The following INPP4B variants were observed in gnomAD, a reference collection of about 807,000 sequenced individuals.
INPP4B encodes the protein inositol polyphosphate-4-phosphatase type II B, also known as inositol polyphosphate 4-phosphatase type II.
INPP4B carries 55 observed loss-of-function variants against 122.5 expected under a neutral mutation model. That is an observed-to-expected ratio of 0.45 (90% CI 0.36 to 0.56). INPP4B has a LOEUF of 0.56. Ranked by LOEUF, INPP4B falls within the 20% of genes least tolerant of loss-of-function variation. INPP4B has a pLI of 0.00. For synonymous variants in INPP4B, 403 were observed against 388.7 expected (o/e 1.04, Z -0.43); for missense variants, 1,000 against 1,097.7 (o/e 0.91, Z 1.26).
chr4:142,523,355 C>A (rs1031326058), intron 2 of INPP4B, among the ~76,000 whole-genome samples: 2 of 152,062 alleles, frequency 1.3e-5, no homozygotes, highest in East Asian at 1.9e-4. Flanking sequence ...TGCTGAGACA[C>A]AAGGTGAACA....
chr4:142,105,310 G>A (rs527565494), intron 23 of INPP4B, among the ~76,000 whole-genome samples: 1 of 152,146 alleles, frequency 6.6e-6, no homozygotes, highest in Non-Finnish European at 1.5e-5. Context: ...ATGTTGATTG[G>A]CAACTTTAAT....
At chr4:142,355,417 C>A (rs1303693297) in intron 7 of INPP4B, among the ~76,000 whole-genome samples, 2 of 151,832 alleles carry the variant, frequency 1.3e-5, no homozygotes, top group African/African-American at 4.8e-5. Flanking sequence ...TGTTACAGGT[C>A]ATTAATTTAT....
chr4:142,034,217 CA>C (rs1553953475), intron 25 of INPP4B, among the ~76,000 whole-genome samples: 1 of 152,102 alleles, frequency 6.6e-6, no homozygotes, highest in Non-Finnish European at 1.5e-5. Flanking sequence ...AGTTTACAAC[CA>C]AGTGATGTTA....
At chr4:142,153,339 T>G (rs183650369) in intron 17 of INPP4B, among the ~76,000 whole-genome samples, 4 of 152,348 alleles carry the variant, frequency 2.6e-5, no homozygotes, top group Admixed American at 6.5e-5. Flanking sequence ...CCATAGTGTT[T>G]CCTTCACTTA....
chr4:142,636,086 C>T (rs1478135561), intron 2 of INPP4B, among the ~76,000 whole-genome samples: 4 of 152,136 alleles, frequency 2.6e-5, no homozygotes, highest in Non-Finnish European at 5.9e-5. Flanking sequence ...TGAGTGATTT[C>T]GCACAAGATC....
At chr4:142,476,533 C>T (rs1320416673) in intron 2 of INPP4B, among the ~76,000 whole-genome samples, 1 of 152,138 alleles carries the variant, frequency 6.6e-6, no homozygotes, top group Non-Finnish European at 1.5e-5. Flanking sequence ...AAGTTGGATA[C>T]AGAAACAAGA....
chr4:142,203,389 A>T (rs546285348), intron 14 of INPP4B, among the ~76,000 whole-genome samples: 1 of 152,010 alleles, frequency 6.6e-6, no homozygotes, highest in African/African-American at 2.4e-5. Context: ...TTTCTATTGT[A>T]TATCTATAGC....
chr4:142,832,230 G>A (rs1247902105), intron 1 of INPP4B, among the ~76,000 whole-genome samples: 1 of 152,110 alleles, frequency 6.6e-6, no homozygotes, highest in Non-Finnish European at 1.5e-5. Flanking sequence ...TGTAAATGAA[G>A]CATATTGGGT....
intron 10 of INPP4B, among the ~76,000 whole-genome samples, 183 bp from the exon 11 acceptor site, chr4:142,260,747 T>TGTG: frequency 6.6e-6 from 1 of 152,340 alleles, no homozygotes; most frequent in Middle Eastern, 3.4e-3. Context: ...GTGATTTACT[T>TGTG]AAATGTATAC....
chr4:142,729,078 T>A (rs1264877902), intron 1 of INPP4B, among the ~76,000 whole-genome samples: 3 of 152,212 alleles, frequency 2.0e-5, no homozygotes, highest in African/African-American at 7.2e-5. Flanking sequence ...TCATCAGGTA[T>A]TAGATTCTCA....
intron 2 of INPP4B, among the ~76,000 whole-genome samples, chr4:142,593,155 T>C (rs1737904120): frequency 6.6e-6 from 1 of 151,912 alleles, no homozygotes; most frequent in South Asian, 2.1e-4. Flanking sequence ...GGGAGGATTT[T>C]AGGGAAAAAC....
chr4:142,790,400 C>A (rs1282450605), intron 1 of INPP4B, among the ~76,000 whole-genome samples: 1 of 151,950 alleles, frequency 6.6e-6, no homozygotes, highest in Non-Finnish European at 1.5e-5. Flanking sequence ...AAAAAGTGGG[C>A]TAAGGACATG....
At chr4:142,119,294 G>A (rs1795360986) in intron 21 of INPP4B, among the ~76,000 whole-genome samples, 1 of 152,140 alleles carries the variant, frequency 6.6e-6, no homozygotes, top group Non-Finnish European at 1.5e-5. Flanking sequence ...TCCCATTACT[G>A]GGTATGTACC....
chr4:142,306,621 A>G (rs1763477671), intron 8 of INPP4B, among the ~76,000 whole-genome samples: 1 of 152,226 alleles, frequency 6.6e-6, no homozygotes, highest in Admixed American at 6.5e-5. Flanking sequence ...AGGCAGAGGA[A>G]AGAAAAGCTT....
At chr4:142,675,094 A>G (rs1321532365) in intron 2 of INPP4B, among the ~76,000 whole-genome samples, 1 of 152,178 alleles carries the variant, frequency 6.6e-6, no homozygotes, top group Non-Finnish European at 1.5e-5. Context: ...GATCAACAAA[A>G]TAGATAGACC....
chr4:142,072,548 T>C (rs1347005386), intron 25 of INPP4B, among the ~76,000 whole-genome samples: 1 of 151,884 alleles, frequency 6.6e-6, no homozygotes, highest in Non-Finnish European at 1.5e-5. Flanking sequence ...GACTTTTTTT[T>C]TTTTTTTTAC....
chr4:142,233,216 G>A (rs1422555057), intron 12 of INPP4B, among the ~76,000 whole-genome samples: 1 of 140,468 alleles, frequency 7.1e-6, no homozygotes, highest in Non-Finnish European at 1.5e-5. Context: ...GTGTGTGTGT[G>A]TGAGTGAGTG....
chr4:142,670,425 G>GA (rs1242283737), intron 2 of INPP4B, among the ~76,000 whole-genome samples: 1 of 151,948 alleles, frequency 6.6e-6, no homozygotes, highest in Non-Finnish European at 1.5e-5. Flanking sequence ...AATAGGTGAA[G>GA]AAAAAATGTG....
At chr4:142,291,273 G>A (rs1435250051) in intron 9 of INPP4B, among the ~76,000 whole-genome samples, 1 of 152,180 alleles carries the variant, frequency 6.6e-6, no homozygotes, top group African/African-American at 2.4e-5. Context: ...ACTAGGGATT[G>A]AAAGCTCATC....
Sources: gnomAD v4.1 joint callset for allele counts (sites outside exome capture counted in the v4.1 genomes callset) on GRCh38, gnomAD v4.1.1 for gene constraint, MANE v1.5 for transcripts, NCBI Gene and HGNC (gene_info 2026-07-23, HGNC 2026-07-21) for gene names.